PCDH15: variants seen among roughly 807,000 people sequenced by gnomAD.
PCDH15 encodes protocadherin related 15, also known as protocadherin-15.
Under a neutral mutation model 178.5 loss-of-function variants are expected in PCDH15, and 129 were observed. The ratio of observed to expected loss-of-function variants is 0.72; its 90% CI spans 0.63 to 0.84. PCDH15 has a LOEUF of 0.84. Ranked by LOEUF, PCDH15 falls within the 40% of genes least tolerant of loss-of-function variation. PCDH15 has a pLI of 0.00. For missense variants in PCDH15, 2,230 were observed against 2,099.9 expected, an observed-to-expected ratio of 1.06 and a Z score of -1.21; for synonymous variants, 800 against 732.0, an observed-to-expected ratio of 1.09 and a Z score of -1.50.
intron 7 of PCDH15, among the ~76,000 whole-genome samples, chr10:54,322,873 AAAC>A (rs144250731): frequency 0.047 from 7,132 of 152,156 alleles, 511 homozygotes; most frequent in African/African-American, 0.16. Flanking sequence ...AGTAGCACCT[AAAC>A]TAAAGAGCTT....
intron 2 of PCDH15, among the ~76,000 whole-genome samples, chr10:55,597,729 C>T (rs10763221): frequency 0.74 from 112,785 of 152,050 alleles, 42,734 homozygotes; most frequent in East Asian, 0.99. Flanking sequence ...TCCAGGACTG[C>T]AAATGACCAC....
intron 26 of PCDH15, among the ~76,000 whole-genome samples, chr10:53,885,323 A>T (rs2081014237): frequency 6.6e-6 from 1 of 152,144 alleles, no homozygotes; most frequent in South Asian, 2.1e-4. Context: ...GATGTACATT[A>T]ATTAGTATAA....
chr10:53,955,114 C>A (rs2087482618), intron 23 of PCDH15, among the ~76,000 whole-genome samples: 1 of 152,206 alleles, frequency 6.6e-6, no homozygotes, highest in Non-Finnish European at 1.5e-5. Flanking sequence ...TACCTGGATT[C>A]TCACAACGTA....
chr10:55,246,212 T>C (rs1225593725), intron 1 of PCDH15, among the ~76,000 whole-genome samples: 1 of 152,212 alleles, frequency 6.6e-6, no homozygotes, highest in Non-Finnish European at 1.5e-5. Context: ...TGAATAAATA[T>C]CAAGCTAATT....
At chr10:53,827,832 A>C (rs1051593432) in intron 31 of PCDH15, among the ~76,000 whole-genome samples, 7 of 152,272 alleles carry the variant, frequency 4.6e-5, no homozygotes, top group Non-Finnish European at 1.0e-4. Context: ...GAGAAAGCAA[A>C]ATTTTAATTA....
intron 2 of PCDH15, chr10:55,366,213 C>T (rs1019616455): frequency 9.2e-5 from 14 of 151,962 alleles, no homozygotes; most frequent in Admixed American, 9.2e-4. Context: ...TTCCATCTTT[C>T]CTGGAAGTAG....
chr10:54,323,455 G>A (rs1402015877), intron 7 of PCDH15, among the ~76,000 whole-genome samples: 2 of 152,042 alleles, frequency 1.3e-5, no homozygotes, highest in African/African-American at 2.4e-5. Flanking sequence ...AAAAAACATG[G>A]AATCAACCTA....
chr10:55,041,897 G>C (rs982051928), intron 2 of PCDH15, among the ~76,000 whole-genome samples: 6 of 151,914 alleles, frequency 3.9e-5, no homozygotes, highest in Admixed American at 6.6e-5. Flanking sequence ...GCCCTAAATA[G>C]AATACAAATA....
intron 2 of PCDH15, among the ~76,000 whole-genome samples, chr10:54,638,166 A>C (rs2093906291): frequency 6.6e-6 from 1 of 151,988 alleles, no homozygotes; most frequent in South Asian, 2.1e-4. Context: ...TGATGGTCTC[A>C]TGAAAAAAAA....
chr10:55,222,879 T>G (rs1272298377), intron 1 of PCDH15, among the ~76,000 whole-genome samples: 1 of 151,678 alleles, frequency 6.6e-6, no homozygotes, highest in East Asian at 1.9e-4. Flanking sequence ...AAGCATGAGT[T>G]AATCCTGGAT....
intron 2 of PCDH15, among the ~76,000 whole-genome samples, chr10:54,555,554 AC>A (rs1420126488): frequency 1.4e-5 from 2 of 143,838 alleles, no homozygotes; most frequent in African/African-American, 5.0e-5. Context: ...ACACGGTGAA[AC>A]CCCCTCTCTA....
chr10:55,188,543 A>C (rs1266362249), intron 1 of PCDH15, among the ~76,000 whole-genome samples: 1 of 151,912 alleles, frequency 6.6e-6, no homozygotes, highest in Non-Finnish European at 1.5e-5. Flanking sequence ...TCTCTACTGG[A>C]GTTAAGAAAC....
intron 2 of PCDH15, among the ~76,000 whole-genome samples, chr10:54,570,443 A>G (rs895296716): frequency 1.3e-5 from 2 of 152,098 alleles, no homozygotes; most frequent in Admixed American, 1.3e-4. Context: ...TATGTTTGAC[A>G]ATTTCTCTTG....
intron 5 of PCDH15, among the ~76,000 whole-genome samples, chr10:54,366,658 GAAT>G (rs1277120168): frequency 8.7e-5 from 12 of 138,360 alleles, no homozygotes; most frequent in African/African-American, 3.1e-4. Context: ...TGAAAAATGA[GAAT>G]AATAGCTAAA....
chr10:53,826,905 G>A (rs1174529168), intron 32 of PCDH15, among the ~76,000 whole-genome samples: 1 of 152,004 alleles, frequency 6.6e-6, no homozygotes, highest in Admixed American at 6.6e-5. Flanking sequence ...TAGTATCTCA[G>A]AAAATACTAC....
chr10:54,622,654 C>T lies in PCDH15; in HGVS notation c.91+41518G>A, dbSNP rs1937399. Among the ~76,000 whole-genome samples the T allele has an allele frequency of 3.0e-4, 26 of 87,902 alleles. 1 individual carries two copies. The highest frequency in any genetic ancestry group is 9.5e-4 in the African/African-American group (18 of 18,998). 57.7% of individuals were successfully genotyped at this position (87,902 alleles called of 152,430 possible). ...TATATATTATATAATTATATATATA[C>T]TATATAATATATATTATATATAATA... On this transcript the variant is annotated intron_variant, in intron 2 of 37. Coordinates refer to ENST00000644397, the MANE Select transcript of PCDH15 (RefSeq NM_001384140.1).
chr10:55,412,920 C>CAT (rs1433650367), intron 2 of PCDH15, among the ~76,000 whole-genome samples: 1 of 139,898 alleles, frequency 7.1e-6, no homozygotes, highest in Non-Finnish European at 1.6e-5. Context: ...CACACACACA[C>CAT]GGCAAATTGA....
At chr10:54,083,467 C>T (rs944300290) in intron 16 of PCDH15, among the ~76,000 whole-genome samples, 4 of 152,098 alleles carry the variant, frequency 2.6e-5, no homozygotes, top group African/African-American at 9.7e-5. Context: ...GACCTACTTG[C>T]ACATGTTGCA....
At chr10:54,134,212 T>C (rs1391447060) in intron 14 of PCDH15, among the ~76,000 whole-genome samples, 1 of 131,912 alleles carries the variant, frequency 7.6e-6, no homozygotes, top group African/African-American at 2.6e-5. Flanking sequence ...TCTGGCTAAT[T>C]TTTGTATTTT....
Sources: allele counts gnomAD v4.1 joint callset (sites outside exome capture counted in the v4.1 genomes callset), GRCh38; gene constraint gnomAD v4.1.1; transcripts MANE v1.5; gene names NCBI Gene and HGNC (gene_info 2026-07-23, HGNC 2026-07-21).